SCML4: variants seen among roughly 807,000 people sequenced by gnomAD.
SCML4 encodes Scm polycomb group protein like 4.
A neutral mutation model predicts 41.1 loss-of-function variants in SCML4; 34 were observed. The ratio of observed to expected loss-of-function variants is 0.83; its 90% CI spans 0.63 to 1.10. SCML4 has a LOEUF of 1.10. Ranked by LOEUF, SCML4 falls within the 50% of genes least tolerant of loss-of-function variation. SCML4 has a pLI of 0.00. For synonymous variants in SCML4, 214 were observed against 220.9 expected (o/e 0.97, Z 0.28); for missense variants, 522 against 534.1 (o/e 0.98, Z 0.22).
In SCML4 at chr6:107,751,666, G is replaced by A. The variant is rs183474126; in HGVS notation, c.157-1853C>T. ...TCTTTCTTTTTTGAGAGGGAGTTTC[G>A]CTCTTGTTGCCCAGGCTGGAGTGCA... On this transcript the variant is annotated intron_variant, in intron 2 of 7. Transcript: ENST00000369020. Among the ~76,000 whole-genome samples the A allele has an allele frequency of 1.1e-3, 120 of 114,104 alleles. 1 individual carries two copies. Among genetic ancestry groups the A allele is most frequent in the Middle Eastern group, 5.2e-3 (1 of 192 alleles). 74.9% of individuals were successfully genotyped at this position (114,104 alleles called of 152,430 possible).
At chr6:107,754,853 A>G (rs1778973690) in intron 2 of SCML4, among the ~76,000 whole-genome samples, 1 of 152,200 alleles carries the variant, frequency 6.6e-6, no homozygotes, top group Non-Finnish European at 1.5e-5. Context: ...TCACACCTGT[A>G]ATCCCAGCAC....
At position 107,750,749 on chromosome 6, in the gene SCML4, C is replaced by G. The variant is rs114782837; in HGVS notation, c.157-936G>C. Among the ~76,000 whole-genome samples, 293 of 152,252 alleles carry G rather than the reference C, an allele frequency of 1.9e-3. 2 individuals are homozygous for G. The highest frequency in any genetic ancestry group is 6.5e-3 in the African/African-American group (271 of 41,530). On this transcript the variant is annotated intron_variant, in intron 2 of 7. Coordinates refer to ENST00000369020, the MANE Select transcript of SCML4 (RefSeq NM_198081.5). ...TTTTGCAATCAACCTTCTAGAGGGT[C>G]TTGTTAAAATGCAGATTCTGATTCA...
intron 2 of SCML4, among the ~76,000 whole-genome samples, chr6:107,766,388 G>C (rs928082969): frequency 6.7e-6 from 1 of 149,890 alleles, no homozygotes; most frequent in Non-Finnish European, 1.5e-5. Flanking sequence ...AAAAAAAAAG[G>C]GTTCAAGGCT....
intron 1 of SCML4, among the ~76,000 whole-genome samples, chr6:107,798,317 G>T (rs912256024): frequency 1.3e-5 from 2 of 151,616 alleles, no homozygotes; most frequent in Non-Finnish European, 3.0e-5. Context: ...AGGCTTTTCT[G>T]GTTTTCTATT....
intron 1 of SCML4, among the ~76,000 whole-genome samples, chr6:107,814,742 G>A (rs575429277): frequency 1.0e-3 from 158 of 152,208 alleles, no homozygotes; most frequent in Middle Eastern, 3.4e-3. Flanking sequence ...TAGTAGAGAC[G>A]GGGTTTCGCC....
chr6:107,807,175 A>G (rs1169779723), intron 1 of SCML4, among the ~76,000 whole-genome samples: 1 of 152,006 alleles, frequency 6.6e-6, no homozygotes, highest in Non-Finnish European at 1.5e-5. Context: ...GATGATGAAA[A>G]GGTAGCAAGA....
Position 107,746,751 on chromosome 6 carries a change from G to A in SCML4, c.425C>T (p.Ala142Val). ...GGAGAAGACCAGCTTCTGCTGGTGG[G>A]CGCAGTCGATGCAGGCTTGGACGGC... ...QQAVQACIDC[A>V]HQQKLVFSLV... Residue 142 changes from alanine (A) to valine (V), a missense_variant, in exon 4 of 8, where the codon GCC becomes GTC. Transcript: ENST00000369020. 6.2e-7 allele frequency: 1 copy of A among 1,614,132 alleles called. No homozygotes were observed. The highest frequency in any genetic ancestry group is 1.3e-5 in the African/African-American group (1 of 75,042).
intron 1 of SCML4, among the ~76,000 whole-genome samples, chr6:107,799,517 C>T (rs944848425): frequency 6.6e-6 from 1 of 152,142 alleles, no homozygotes; most frequent in Non-Finnish European, 1.5e-5. Flanking sequence ...GTCTGATAAT[C>T]TCTGCCTTTT....
chr6:107,714,355 C>T (rs1461164126), intron 6 of SCML4, among the ~76,000 whole-genome samples: 1 of 152,102 alleles, frequency 6.6e-6, no homozygotes, highest in Non-Finnish European at 1.5e-5. Context: ...CCTACTGACC[C>T]TCCCTGGTTG....
At chr6:107,731,172 G>A (rs764221839) in intron 5 of SCML4, among the ~76,000 whole-genome samples, 1 of 152,166 alleles carries the variant, frequency 6.6e-6, no homozygotes, top group Non-Finnish European at 1.5e-5. Flanking sequence ...AAAACAGAGC[G>A]GCAGGGAGGG....
chr6:107,835,702 T>C, the SCML4 span, among the ~76,000 whole-genome samples: 1 of 135,448 alleles, frequency 7.4e-6, no homozygotes, highest in Non-Finnish European at 1.5e-5. Flanking sequence ...AAGTCGAGGC[T>C]GCAGTGAGCT....
At chr6:107,729,098 G>A (rs1284881286) in intron 5 of SCML4, among the ~76,000 whole-genome samples, 2 of 152,218 alleles carry the variant, frequency 1.3e-5, no homozygotes, top group South Asian at 2.1e-4. Flanking sequence ...AATGTTAAAT[G>A]CTTTCCACTG....
intron 1 of SCML4, among the ~76,000 whole-genome samples, chr6:107,803,633 A>G (rs9480801): frequency 0.025 from 3,666 of 145,152 alleles, 103 homozygotes; most frequent in African/African-American, 0.065. Context: ...GAAAAGATTG[A>G]GAAATCGGAT....
At chr6:107,830,641 A>G in the SCML4 span, among the ~76,000 whole-genome samples, 1 of 152,346 alleles carries the variant, frequency 6.6e-6, no homozygotes, top group Admixed American at 6.5e-5. Flanking sequence ...CTAGAAGTTA[A>G]AGTGGGAGAT....
chr6:107,831,424 A>C, the SCML4 span, among the ~76,000 whole-genome samples: 11 of 151,360 alleles, frequency 7.3e-5, no homozygotes, highest in African/African-American at 2.7e-4. Context: ...AAAAAAAAAA[A>C]AAAAAAAAAC....
In SCML4 at chr6:107,704,646, AT is replaced by A. The variant is rs35793191; in HGVS notation, c.*553del. 5,635 of 149,138 alleles carry A rather than the reference AT, an allele frequency of 0.038. 277 individuals are homozygous for A. Among genetic ancestry groups the A allele is most frequent in the African/African-American group, 0.12 (4,870 of 40,240 alleles). 9.2% of individuals were successfully genotyped at this position (149,138 alleles called of 1,614,324 possible). Reference sequence around the variant, plus strand: ...TTCAGATTTTCTAGGAACAGAAAAGATTTTTTTTTTTTTCCTTTTTCTTTCA... The same window carrying A: ...TTCAGATTTTCTAGGAACAGAAAAGATTTTTTTTTTTTCCTTTTTCTTTCA... On this transcript the variant is annotated 3_prime_UTR_variant, in exon 8 of 8. Transcript: ENST00000369020.
chr6:107,747,431 G>C (rs371786062), intron 3 of SCML4, among the ~76,000 whole-genome samples: 3 of 152,068 alleles, frequency 2.0e-5, no homozygotes, highest in African/African-American at 7.2e-5. Context: ...GGTGAACCCA[G>C]TCAATGGTTT....
At chr6:107,760,301 T>C (rs927879623) in intron 2 of SCML4, among the ~76,000 whole-genome samples, 10 of 152,174 alleles carry the variant, frequency 6.6e-5, no homozygotes, top group Non-Finnish European at 1.5e-4. Flanking sequence ...ATATAAAGAA[T>C]AACCAGGCCA....
At chr6:107,804,869 C>A (rs890036895) in intron 1 of SCML4, among the ~76,000 whole-genome samples, 1 of 152,174 alleles carries the variant, frequency 6.6e-6, no homozygotes, top group Non-Finnish European at 1.5e-5. Context: ...GCTTGGGAGG[C>A]TGAGGCAGGA....
Sources: gnomAD v4.1 joint callset for allele counts (sites outside exome capture counted in the v4.1 genomes callset) on GRCh38, gnomAD v4.1.1 for gene constraint, MANE v1.5 for transcripts, NCBI Gene and HGNC (gene_info 2026-07-23, HGNC 2026-07-21) for gene names.